JAZF1: variants seen among roughly 807,000 people sequenced by gnomAD.
The protein encoded by JAZF1 is JAZF zinc finger 1.
JAZF1 carries 8 observed loss-of-function variants against 26.4 expected under a neutral mutation model. The ratio of observed to expected loss-of-function variants is 0.30; its 90% CI spans 0.18 to 0.55. The LOEUF (loss-of-function observed/expected upper bound fraction) is 0.55. Ranked by LOEUF, JAZF1 falls within the 20% of genes least tolerant of loss-of-function variation. The pLI is 0.94. For missense variants in JAZF1, 199 were observed against 322.0 expected (o/e 0.62, Z 2.92); for synonymous variants, 126 against 122.3 (o/e 1.03, Z -0.20).
At chr7:27,854,115 C>G (rs956275529) in intron 3 of JAZF1, among the ~76,000 whole-genome samples, 1 of 152,182 alleles carries the variant, frequency 6.6e-6, no homozygotes, top group African/African-American at 2.4e-5. Flanking sequence ...ATCCCTTTAC[C>G]ATTATGTAAT....
chr7:28,176,169 A>T (rs1403972286), intron 1 of JAZF1, among the ~76,000 whole-genome samples: 3 of 152,224 alleles, frequency 2.0e-5, no homozygotes, highest in Non-Finnish European at 4.4e-5. Context: ...AGTCATAGCT[A>T]ATGCAAGCCA....
chr7:28,067,455 C>T (rs976126135), intron 1 of JAZF1, among the ~76,000 whole-genome samples: 1 of 152,168 alleles, frequency 6.6e-6, no homozygotes, highest in Non-Finnish European at 1.5e-5. Flanking sequence ...AAAGAGGTGA[C>T]CACACAGCAC....
chr7:28,058,268 G>C (rs1783745219), intron 1 of JAZF1, among the ~76,000 whole-genome samples: 3 of 152,196 alleles, frequency 2.0e-5, no homozygotes, highest in Non-Finnish European at 4.4e-5. Context: ...GGGATGCACA[G>C]AGAGGTCTAA....
chr7:27,840,800 C>A lies in JAZF1; in HGVS notation c.453G>T (p.Glu151Asp). 1 of 1,614,216 alleles carries A rather than the reference C, an allele frequency of 6.2e-7. No individual in the cohort carries two copies. Among genetic ancestry groups the A allele is most frequent in the East Asian group, 2.2e-5 (1 of 44,886 alleles). ...GGATGGCTTCGGAGCTGATGGCACT[C>A]TCTGTGGTCCAGGACTCATCGCTGT... ...ESDSDESWTT[E>D]SAISSEAILS... Residue 151 changes from glutamate to aspartate, a missense_variant, in exon 4 of 5, where the codon GAG becomes GAT. Physicochemically the swap from Glu to Asp is conservative, Grantham distance 45. Transcript: ENST00000283928. This position sits in a 1 kb window ranked among gnomAD's most constrained non-coding sequence, Gnocchi z 5.1.
At chr7:27,907,405 T>C (rs1223117242) in intron 2 of JAZF1, among the ~76,000 whole-genome samples, 2 of 152,202 alleles carry the variant, frequency 1.3e-5, no homozygotes, top group Non-Finnish European at 2.9e-5. Flanking sequence ...TGTTTATAAA[T>C]TTAACTGCCA....
rs1562591043 is a variant in JAZF1 at position 28,110,567 on chromosome 7, A to AAAGGG, written c.115+69895_115+69896insCCCTT. ...GGAAAAGGAAAAGGAAAGGGAAAGGAAAAGGGAAAGGGAAAAGGAAAAGGA... is the reference window on the plus strand; with the variant it reads ...GGAAAAGGAAAAGGAAAGGGAAAGGAAAGGGAAAGGGAAAGGGAAAAGGAAAAGGA... On this transcript the variant is annotated intron_variant, in intron 1 of 4. Transcript: ENST00000283928. Among the ~76,000 whole-genome samples, 77 of 103,922 alleles carry AAAGGG rather than the reference A, an allele frequency of 7.4e-4. 3 individuals are homozygous for AAAGGG. The highest frequency in any genetic ancestry group is 1.5e-3 in the Admixed American group (13 of 8,488). The allele number at this position is 103,922 out of a possible 152,430, so 68.2% of individuals were successfully genotyped here. A position where few individuals can be genotyped will look rare whatever the true frequency, so the allele number is the denominator to read the frequency against.
At chr7:27,982,232 A>T (rs1221784762) in intron 2 of JAZF1, among the ~76,000 whole-genome samples, 2 of 152,190 alleles carry the variant, frequency 1.3e-5, no homozygotes, top group Non-Finnish European at 2.9e-5. Flanking sequence ...GTACCTGGAA[A>T]ATCGGGACAC....
intron 1 of JAZF1, among the ~76,000 whole-genome samples, chr7:28,001,146 G>T (rs1332149779): frequency 6.6e-6 from 1 of 151,788 alleles, no homozygotes; most frequent in Non-Finnish European, 1.5e-5. Flanking sequence ...TTGAAGTCAG[G>T]AGTTCGAGAC....
chr7:28,109,553 C>T (rs1439156913), intron 1 of JAZF1, among the ~76,000 whole-genome samples: 1 of 152,170 alleles, frequency 6.6e-6, no homozygotes, highest in Non-Finnish European at 1.5e-5. Flanking sequence ...GCACTGAATA[C>T]TGTAAAGCAC....
At chr7:28,082,660 T>C (rs907365180) in intron 1 of JAZF1, among the ~76,000 whole-genome samples, 1 of 152,136 alleles carries the variant, frequency 6.6e-6, no homozygotes, top group African/African-American at 2.4e-5. Flanking sequence ...GAAAGGCACA[T>C]GTCCCACCAG....
intron 1 of JAZF1, among the ~76,000 whole-genome samples, chr7:28,013,203 T>G (rs1229440307): frequency 6.6e-6 from 1 of 152,194 alleles, no homozygotes; most frequent in African/African-American, 2.4e-5. Context: ...TGAGAACCAC[T>G]GCTGTGCTAA....
At chr7:27,969,445 C>A (rs573413545) in intron 2 of JAZF1, among the ~76,000 whole-genome samples, 3 of 151,962 alleles carry the variant, frequency 2.0e-5, no homozygotes, top group Non-Finnish European at 2.9e-5. Context: ...GGCTTCTCTG[C>A]GAATCCTTCT....
intron 1 of JAZF1, among the ~76,000 whole-genome samples, chr7:28,014,103 C>T (rs1056017881): frequency 9.8e-6 from 1 of 101,576 alleles, no homozygotes; most frequent in Admixed American, 1.6e-4. Flanking sequence ...AACAGCCATC[C>T]AAATAGATGC....
At chr7:28,138,393 A>G (rs1262574133) in intron 1 of JAZF1, among the ~76,000 whole-genome samples, 2 of 152,224 alleles carry the variant, frequency 1.3e-5, no homozygotes, top group African/African-American at 4.8e-5. Flanking sequence ...GGCAGTTAGT[A>G]TTAAGTTAGA....
chr7:27,996,783 G>A (rs1046788069), intron 1 of JAZF1, among the ~76,000 whole-genome samples: 4 of 152,226 alleles, frequency 2.6e-5, no homozygotes, highest in African/African-American at 9.6e-5. Flanking sequence ...ACACTTTTCA[G>A]AGGTGAAGAA....
At chr7:28,067,369 A>C (rs1219973278) in intron 1 of JAZF1, among the ~76,000 whole-genome samples, 2 of 152,172 alleles carry the variant, frequency 1.3e-5, no homozygotes, top group African/African-American at 2.4e-5. Context: ...TCCATTGACA[A>C]ATGCTGTTGT....
chr7:28,075,699 A>G lies in JAZF1; in HGVS notation c.116-83718T>C, dbSNP rs556461147. Among the ~76,000 whole-genome samples the G allele has an allele frequency of 3.3e-3, 496 of 152,296 alleles. 1 individual carries two copies. The highest frequency in any genetic ancestry group is 0.011 in the African/African-American group (472 of 41,568). ...GCATAGTGTTTCCTATAGTGAATAT[A>G]CTTTACTTAAGCACTCCCCATATTA... On this transcript the variant is annotated intron_variant, in intron 1 of 4. Coordinates refer to ENST00000283928, the MANE Select transcript of JAZF1 (RefSeq NM_175061.4).
At position 27,832,120 on chromosome 7, in the gene JAZF1, AT is replaced by A. The variant is rs1313953393; in HGVS notation, c.*679del. 4.7e-6 allele frequency: 1 copy of A among 213,462 alleles called. No homozygotes were observed. The highest frequency in any genetic ancestry group is 9.5e-6 in the Non-Finnish European group (1 of 105,314). 13.2% of individuals were successfully genotyped at this position (213,462 alleles called of 1,614,324 possible). ...AATAGACTATTTTGTACAAAATGCC[AT>A]TTATAACACTAAAATGACTAGTAAG... On this transcript the variant is annotated 3_prime_UTR_variant, in exon 5 of 5. Coordinates refer to ENST00000283928, the MANE Select transcript of JAZF1 (RefSeq NM_175061.4).
chr7:27,991,399 G>C lies in JAZF1; in HGVS notation c.188+510C>G, dbSNP rs144872813. Among the ~76,000 whole-genome samples, 517 of 152,144 alleles carry C rather than the reference G, an allele frequency of 3.4e-3. 5 individuals carry two copies. Among genetic ancestry groups the C allele is most frequent in the African/African-American group, 0.012 (494 of 41,522 alleles). On this transcript the variant is annotated intron_variant, in intron 2 of 4. Transcript: ENST00000283928. Reference sequence around the variant, plus strand: ...AAGTTTGAAATGGTGCTCTGAAGTTGGGCTCACATGTTCAGTTTAAGTAAA... The same window carrying C: ...AAGTTTGAAATGGTGCTCTGAAGTTCGGCTCACATGTTCAGTTTAAGTAAA...
Sources: gnomAD v4.1 joint callset for allele counts (sites outside exome capture counted in the v4.1 genomes callset) on GRCh38, gnomAD v4.1.1 for gene constraint, Gnocchi (gnomAD v3.1) non-coding constraint, MANE v1.5 for transcripts, NCBI Gene and HGNC (gene_info 2026-07-23, HGNC 2026-07-21) for gene names.